Variants in MTOR observed in about 807,000 individuals in gnomAD.
The protein encoded by MTOR is serine/threonine-protein kinase mTOR.
Under a neutral mutation model 319.8 loss-of-function variants are expected in MTOR, and 70 were observed. The observed-to-expected ratio is 0.22, with a 90% CI of 0.18 to 0.27. MTOR has a LOEUF of 0.27. MTOR is among the 10% of genes least tolerant of loss of function. MTOR has a pLI of 1.00. For synonymous variants in MTOR, 1,183 were observed against 1,211.4 expected, an observed-to-expected ratio of 0.98 and a Z score of 0.49; for missense variants, 1,890 against 3,274.4, an observed-to-expected ratio of 0.58 and a Z score of 10.32.
intron 5 of MTOR, among the ~76,000 whole-genome samples, chr1:11,255,382 CAAAAAAAAAAAAAAAA>C (rs56328160): frequency 7.1e-5 from 7 of 98,216 alleles, no homozygotes; most frequent in South Asian, 2.9e-4. Context: ...ACTCCATCTC[CAAAAAAAAAAAAAAAA>C]AAAAAAAAAA....
At chr1:11,255,825 C>T (rs1442021738) in intron 5 of MTOR, among the ~76,000 whole-genome samples, 167 bp downstream of exon 5, 5 of 134,518 alleles carry the variant, frequency 3.7e-5, no homozygotes, top group African/African-American at 5.5e-5. Flanking sequence ...CCAGCCTGGG[C>T]GACAAAGCAA....
intron 28 of MTOR, among the ~76,000 whole-genome samples, chr1:11,177,275 T>G (rs1470678074): frequency 6.6e-6 from 1 of 152,096 alleles, no homozygotes; most frequent in East Asian, 1.9e-4. Context: ...TAGGTTTCTT[T>G]GGCTAGGCGC....
intron 9 of MTOR, 116 bp from the exon 10 acceptor site, chr1:11,241,797 G>T: frequency 1.7e-6 from 2 of 1,173,290 alleles, no homozygotes; most frequent in South Asian, 1.4e-5. Context: ...CCACAGATGG[G>T]TATGCAAATT....
chr1:11,193,788 C>T lies in MTOR; in HGVS notation c.4253+5470G>A, dbSNP rs769216384. On this transcript the variant is annotated intron_variant, in intron 28 of 57. Coordinates refer to ENST00000361445, the MANE Select transcript of MTOR (RefSeq NM_004958.4). ...GTAGAGATGGAGGTAAGCACAAGGC[C>T]AGGGGCCCCATGACTGGACCAGTGC... is the stretch of plus-strand genomic sequence containing the variant. 3.1e-6 allele frequency: 5 copies of T among 1,613,590 alleles called. No homozygotes were observed. In the Admixed American group the frequency reaches 6.7e-5, roughly 22 times the overall value.
chr1:11,111,909 G>A (rs1641902141), intron 54 of MTOR, among the ~76,000 whole-genome samples: 1 of 151,980 alleles, frequency 6.6e-6, no homozygotes, highest in South Asian at 2.1e-4. Context: ...GGTGGGATGG[G>A]GAGTGCGGGG....
Position 11,127,575 on chromosome 1 carries a change from G to A in MTOR, c.6216+49C>T, listed in dbSNP as rs2100405827. The A allele has an allele frequency of 6.6e-7, 1 of 1,521,284 alleles. No individual in the cohort carries two copies. The highest frequency in any genetic ancestry group is 1.3e-5 in the South Asian group (1 of 77,382). The allele number at this position is 1,521,284 out of a possible 1,614,324, so 94.2% of individuals were successfully genotyped here. On this transcript the variant is annotated intron_variant, in intron 44 of 57. Coordinates refer to ENST00000361445, the MANE Select transcript of MTOR (RefSeq NM_004958.4). This position sits in a 1 kb window ranked among gnomAD's most constrained non-coding sequence, Gnocchi z 5.5. Reference sequence around the variant, plus strand: ...TTTCTCATTTCATTTTTTTTTAGTGGCAGAATATTTCTACAGGGTTATGTC... The same window carrying A: ...TTTCTCATTTCATTTTTTTTTAGTGACAGAATATTTCTACAGGGTTATGTC...
intron 21 of MTOR, 146 bp from the exon 22 acceptor site, chr1:11,213,054 T>C (rs1646360836): frequency 1.6e-6 from 1 of 630,360 alleles, no homozygotes; most frequent in Non-Finnish European, 2.8e-6. Flanking sequence ...ATCCTTTTGA[T>C]AGCACTTTCT....
intron 28 of MTOR, among the ~76,000 whole-genome samples, chr1:11,184,616 A>C (rs1006565518): frequency 2.0e-5 from 3 of 152,138 alleles, no homozygotes; most frequent in Admixed American, 1.3e-4. Context: ...TTGTATTCCC[A>C]GCTACTTTGG....
intron 19 of MTOR, among the ~76,000 whole-genome samples, chr1:11,228,416 T>C (rs562086075): frequency 6.6e-6 from 1 of 152,282 alleles, no homozygotes; most frequent in African/African-American, 2.4e-5. Context: ...CTCAAACTCC[T>C]GACCTCAGGT....
intron 15 of MTOR, chr1:11,233,176 C>G: frequency 1.1e-6 from 1 of 871,394 alleles, no homozygotes; most frequent in Non-Finnish European, 1.8e-6. Context: ...AATGATATTA[C>G]CATATCAAGC....
At chr1:11,163,467 C>A (rs548655683) in intron 29 of MTOR, among the ~76,000 whole-genome samples, 1 of 152,348 alleles carries the variant, frequency 6.6e-6, no homozygotes, top group South Asian at 2.1e-4. Context: ...CACCCCAAAT[C>A]AACAGAATAT....
In MTOR at chr1:11,241,585, C is replaced by G. The variant is rs758232859; in HGVS notation, c.1509G>C (p.Glu503Asp). ...CCACTGCCAGCATGGGCTCCAGCAG[C>G]TCCTTGATATCCTGCTGGATGCCTG... ...MGPGIQQDIK[E>D]LLEPMLAVGL... Residue 503 changes from glutamate (E) to aspartate (D), a missense_variant, in exon 10 of 58, where the codon GAG (glutamate) becomes GAC (aspartate). By Grantham distance (45) the Glu-to-Asp change is conservative. Coordinates refer to ENST00000361445, the MANE Select transcript of MTOR (RefSeq NM_004958.4). 7.4e-6 allele frequency: 12 copies of G among 1,613,776 alleles called. No individual in the cohort carries two copies. In the South Asian group the frequency reaches 1.2e-4, roughly 16 times the overall value.
At position 11,129,488 on chromosome 1, in the gene MTOR, A is replaced by C. The variant is rs1002106360; in HGVS notation, c.5714+250T>G. 6.6e-6 allele frequency among the ~76,000 whole-genome samples: 1 copy of C among 152,246 alleles called. No homozygotes were observed. The highest frequency in any genetic ancestry group is 6.5e-5 in the Admixed American group (1 of 15,288). Reference sequence around the variant, plus strand: ...ATTGTGATTAACAGATGGGTTAATAATCCCTCCATAATAAACCACACATGG... The same window carrying C: ...ATTGTGATTAACAGATGGGTTAATACTCCCTCCATAATAAACCACACATGG... On this transcript the variant is annotated intron_variant, in intron 40 of 57. Coordinates refer to ENST00000361445, the MANE Select transcript of MTOR (RefSeq NM_004958.4). The surrounding 1 kb of genome is among the most constrained non-coding windows in gnomAD (Gnocchi z 4.7).
intron 38 of MTOR, chr1:11,132,369 G>T (rs1024615969): frequency 1.3e-5 from 2 of 152,168 alleles, no homozygotes; most frequent in African/African-American, 4.8e-5. Flanking sequence ...ACAAAGGTAA[G>T]ATCTGTATTA....
chr1:11,167,245 TAAAAAAA>T (rs543578984), intron 29 of MTOR, among the ~76,000 whole-genome samples, 190 bp downstream of exon 29: 2 of 141,422 alleles, frequency 1.4e-5, no homozygotes, highest in Non-Finnish European at 3.1e-5. Flanking sequence ...AAAGTATAAT[TAAAAAAA>T]AAAAAGAAAG....
At chr1:11,134,544 T>G (rs985603457) in intron 36 of MTOR, 78 bp from the exon 37 acceptor site, 9 of 1,202,500 alleles carry the variant, frequency 7.5e-6, no homozygotes, top group African/African-American at 1.5e-5. Flanking sequence ...GTTCATCTGA[T>G]AGGCATGAGT....
chr1:11,251,655 CTTTTTT>C (rs761523542), intron 6 of MTOR, among the ~76,000 whole-genome samples: 1 of 113,718 alleles, frequency 8.8e-6, no homozygotes, highest in Admixed American at 8.9e-5. Context: ...TAGATAGTTT[CTTTTTT>C]TTTTTTTTTT....
Position 11,129,978 on chromosome 1 carries a change from T to C in MTOR, c.5614-140A>G. 1.5e-6 allele frequency: 1 copy of C among 682,890 alleles called. No homozygotes were observed. 42.3% of individuals were successfully genotyped at this position (682,890 alleles called of 1,614,324 possible). On this transcript the variant is annotated intron_variant, in intron 39 of 57. Transcript: ENST00000361445. The surrounding 1 kb of genome is among the most constrained non-coding windows in gnomAD (Gnocchi z 4.7). ...CGGTTAATGCATGAAAAATCTTTAATCATTACCTGGCACATAGCAAAGACT... is the reference window on the plus strand; with the variant it reads ...CGGTTAATGCATGAAAAATCTTTAACCATTACCTGGCACATAGCAAAGACT...
chr1:11,243,235 T>G lies in MTOR; in HGVS notation c.1291A>C (p.Thr431Pro). 1 of 1,614,220 alleles carries G rather than the reference T, an allele frequency of 6.2e-7. No individual in the cohort carries two copies. Among genetic ancestry groups the G allele is most frequent in the Non-Finnish European group, 8.5e-7 (1 of 1,180,042 alleles). Residue 431 changes from threonine to proline, a missense_variant, in exon 9 of 58, where the codon ACA (threonine) becomes CCA (proline). Thr to Pro is a conservative substitution (Grantham distance 38, BLOSUM62 -1). Around this residue, in one of 15 missense-constraint regions of MTOR, gnomAD observed 418 missense variants for 543.1 expected, o/e 0.77. Transcript: ENST00000361445. ...AGCCCCAGGGCTTGGAAGGCCGCTGTACGTTCCTTCTCCTTCTTGACACAG... is the reference window on the plus strand; with the variant it reads ...AGCCCCAGGGCTTGGAAGGCCGCTGGACGTTCCTTCTCCTTCTTGACACAG... ...LSCVKKEKER[T>P]AAFQALGLLS...
Sources: gnomAD v4.1 joint callset for allele counts (sites outside exome capture counted in the v4.1 genomes callset) on GRCh38, gnomAD v4.1.1 for gene constraint, gnomAD v4.1.1 regional missense constraint, Gnocchi (gnomAD v3.1) non-coding constraint, MANE v1.5 for transcripts, NCBI Gene and HGNC (gene_info 2026-07-23, HGNC 2026-07-21) for gene names.